The following COL21A1 variants were observed in gnomAD, a reference collection of about 807,000 sequenced individuals.
COL21A1 encodes collagen type XXI alpha 1 chain, also known as collagen alpha-1(XXI) chain.
Under a neutral mutation model 137.9 loss-of-function variants are expected in COL21A1, and 149 were observed. That is an observed-to-expected ratio of 1.08 (90% CI 0.95 to 1.24). The LOEUF (loss-of-function observed/expected upper bound fraction) is 1.24. Among genes scored for constraint, COL21A1 ranks in the 50% most tolerant of loss-of-function variants. COL21A1 has a pLI of 0.00. For synonymous variants in COL21A1, 456 were observed against 391.5 expected (o/e 1.16, Z -1.95); for missense variants, 1,167 against 1,158.4 (o/e 1.01, Z -0.11).
Position 56,362,390 on chromosome 6 carries a change from A to G in COL21A1, c.-39+31581T>C, listed in dbSNP as rs569791988. Among the ~76,000 whole-genome samples the G allele has an allele frequency of 2.0e-5, 3 of 152,282 alleles. No individual in the cohort carries two copies. The East Asian group carries it at 5.8e-4, about 29-fold the overall frequency. On this transcript the variant is annotated intron_variant, in intron 1 of 28. Coordinates refer to the COL21A1 transcript ENST00000370819. ...TATGTATTATTTTTTAATTTTAAAT[A>G]AAATAAGTAATTTTGCCAATTTGAT...
At chr6:56,326,017 GTATATACATAATATAT>G (rs750627079) in intron 1 of COL21A1, among the ~76,000 whole-genome samples, 76,778 of 79,000 alleles carry the variant, frequency 0.97, 37,393 homozygotes, top group South Asian at 0.99. Context: ...TTATGTATAT[GTATATACATAATATAT>G]TATGTATATG....
At chr6:56,345,614 T>G (rs1407032783) in intron 1 of COL21A1, among the ~76,000 whole-genome samples, 1 of 152,228 alleles carries the variant, frequency 6.6e-6, no homozygotes, top group Non-Finnish European at 1.5e-5. Flanking sequence ...TACACACGCC[T>G]GATCGCTACA....
At chr6:56,363,969 G>A (rs974827787) in intron 1 of COL21A1, among the ~76,000 whole-genome samples, 2 of 152,210 alleles carry the variant, frequency 1.3e-5, no homozygotes, top group African/African-American at 4.8e-5. Flanking sequence ...CAAACTCAGA[G>A]TTTGCACTGG....
chr6:56,270,188 A>G (rs1280636587), intron 1 of COL21A1, among the ~76,000 whole-genome samples: 1 of 152,250 alleles, frequency 6.6e-6, no homozygotes, highest in Non-Finnish European at 1.5e-5. Context: ...TCTCACATGT[A>G]GTGATACCCA....
At chr6:56,098,010 TA>T (rs1470458906) in intron 17 of COL21A1, among the ~76,000 whole-genome samples, 1 of 63,236 alleles carries the variant, frequency 1.6e-5, no homozygotes, top group African/African-American at 7.7e-5. Flanking sequence ...TATAAATATA[TA>T]AATATATATA....
At chr6:56,171,693 A>T (rs1777071720) in intron 3 of COL21A1, among the ~76,000 whole-genome samples, 1 of 151,976 alleles carries the variant, frequency 6.6e-6, no homozygotes, top group South Asian at 2.1e-4. Flanking sequence ...TCTCTCTGGA[A>T]AAAACTTAAC....
intron 1 of COL21A1, among the ~76,000 whole-genome samples, chr6:56,310,877 G>A (rs1000266097): frequency 2.0e-5 from 3 of 151,982 alleles, no homozygotes; most frequent in African/African-American, 7.3e-5. Flanking sequence ...TACATTGATA[G>A]ATTTTTTTTC....
intron 10 of COL21A1, among the ~76,000 whole-genome samples, chr6:56,148,338 C>CAGAGAGAGAGAGAGAGAG (rs150898619): frequency 0.15 from 19,622 of 132,802 alleles, 2,014 homozygotes; most frequent in Non-Finnish European, 0.2. Context: ...AGACAAGAGA[C>CAGAGAGAGAGAGAGAGAG]AGAGAGAGAG....
intron 1 of COL21A1, among the ~76,000 whole-genome samples, chr6:56,309,940 T>C (rs1262501353): frequency 1.3e-5 from 2 of 152,154 alleles, no homozygotes; most frequent in Non-Finnish European, 2.9e-5. Flanking sequence ...TAGATAAGGG[T>C]AAAACAAGGT....
chr6:56,314,202 C>T (rs1170902192), intron 1 of COL21A1, among the ~76,000 whole-genome samples: 1 of 152,268 alleles, frequency 6.6e-6, no homozygotes. Flanking sequence ...TCAGGATGAT[C>T]TCCATCTCCT....
At chr6:56,094,690 A>G (rs1220441488) in intron 17 of COL21A1, among the ~76,000 whole-genome samples, 1 of 152,206 alleles carries the variant, frequency 6.6e-6, no homozygotes, top group Non-Finnish European at 1.5e-5. Context: ...ACACACATAT[A>G]CATGGCAGAG....
chr6:56,168,374 T>G lies in COL21A1; in HGVS notation c.1027-77A>C, dbSNP rs1776762959. The G allele has an allele frequency of 8.3e-6, 10 of 1,207,438 alleles. No individual in the cohort carries two copies. In the East Asian group the frequency reaches 2.6e-4, roughly 32 times the overall value. The allele number at this position is 1,207,438 out of a possible 1,614,324, so 74.8% of individuals were successfully genotyped here. A position where few individuals can be genotyped will look rare whatever the true frequency, so the allele number is the denominator to read the frequency against. On this transcript the variant is annotated intron_variant, in intron 5 of 29. Coordinates refer to ENST00000244728, the MANE Select transcript of COL21A1 (RefSeq NM_030820.4). ...TATTTTCTTTGTTCTTACTCCCTTGTTCCTAACCATTGCTGAGAAACTTCA... is the reference window on the plus strand; with the variant it reads ...TATTTTCTTTGTTCTTACTCCCTTGGTCCTAACCATTGCTGAGAAACTTCA...
Position 56,060,715 on chromosome 6 carries a change from A to C in COL21A1, c.2407+26T>G, listed in dbSNP as rs554504647. 5.1e-6 allele frequency: 8 copies of C among 1,566,296 alleles called. No homozygotes were observed. In the African/African-American group the frequency reaches 9.6e-5, roughly 19 times the overall value. The stretch of plus-strand genomic sequence containing the variant: ...TTACTTTTGTAATTTGAGAAAAGTT[A>C]TTAAAATGCTATATTTGATACCTAC... On this transcript the variant is annotated intron_variant, in intron 27 of 29. Transcript: ENST00000244728.
At chr6:56,339,460 G>A (rs9296839) in intron 1 of COL21A1, among the ~76,000 whole-genome samples, 97,486 of 151,676 alleles carry the variant, frequency 0.64, 31,670 homozygotes, top group South Asian at 0.81. Flanking sequence ...GAGGATTCAT[G>A]TGGTTTTCCA....
chr6:56,365,349 A>G (rs1766072085), intron 1 of COL21A1, among the ~76,000 whole-genome samples: 2 of 152,198 alleles, frequency 1.3e-5, no homozygotes, highest in Admixed American at 1.3e-4. Context: ...TAATGGCTAG[A>G]CAAGGAAGAA....
intron 16 of COL21A1, among the ~76,000 whole-genome samples, chr6:56,109,210 A>G (rs1348652505): frequency 6.6e-6 from 1 of 151,830 alleles, no homozygotes; most frequent in African/African-American, 2.4e-5. Flanking sequence ...GGATAAAAGT[A>G]AAAAACAAAA....
intron 1 of COL21A1, among the ~76,000 whole-genome samples, chr6:56,309,462 A>G (rs1764553883): frequency 6.6e-6 from 1 of 152,202 alleles, no homozygotes; most frequent in African/African-American, 2.4e-5. Context: ...TTTGAACAGT[A>G]TAGGTCCAAC....
chr6:56,290,499 A>ATT lies in COL21A1; in HGVS notation c.-39+103470_-39+103471dup, dbSNP rs1268560590. 2.5e-3 allele frequency among the ~76,000 whole-genome samples: 355 copies of ATT among 139,956 alleles called. 1 individual carries two copies. The highest frequency in any genetic ancestry group is 8.8e-3 in the African/African-American group (325 of 37,002). The allele number at this position is 139,956 out of a possible 152,430, so 91.8% of individuals were successfully genotyped here. ...GATGCATATTAGAATCACTTAGGAGATTTTTTTTTTTTTTTTTTGAGACGA... is the reference window on the plus strand; with the variant it reads ...GATGCATATTAGAATCACTTAGGAGATTTTTTTTTTTTTTTTTTTTGAGACGA... On this transcript the variant is annotated intron_variant, in intron 1 of 28. Coordinates refer to the COL21A1 transcript ENST00000370819.
chr6:56,093,022 T>C (rs903518527), intron 17 of COL21A1, among the ~76,000 whole-genome samples: 1 of 152,172 alleles, frequency 6.6e-6, no homozygotes, highest in South Asian at 2.1e-4. Flanking sequence ...CTCTTCCCTA[T>C]GTGAAATTTT....
Sources: allele counts gnomAD v4.1 joint callset (sites outside exome capture counted in the v4.1 genomes callset), GRCh38; gene constraint gnomAD v4.1.1; transcripts MANE v1.5; gene names NCBI Gene and HGNC (gene_info 2026-07-23, HGNC 2026-07-21).